FAM120B: variants seen among roughly 807,000 people sequenced by gnomAD.
The protein encoded by FAM120B is constitutive coactivator of peroxisome proliferator-activated receptor gamma.
Under a neutral mutation model 96.3 loss-of-function variants are expected in FAM120B, and 83 were observed. The ratio of observed to expected loss-of-function variants is 0.86; its 90% CI spans 0.72 to 1.03. FAM120B has a LOEUF of 1.03. Among genes scored for constraint, FAM120B ranks in the 50% least tolerant of loss-of-function variants. The pLI is 0.00. For missense variants in FAM120B, 1,027 were observed against 1,121.2 expected (o/e 0.92, Z 1.20); for synonymous variants, 407 against 402.7 (o/e 1.01, Z -0.13).
At chr6:170,373,178 C>G (rs535334544) in intron 6 of FAM120B, among the ~76,000 whole-genome samples, 1 of 152,220 alleles carries the variant, frequency 6.6e-6, no homozygotes, top group South Asian at 2.1e-4. Context: ...ATCAGATGCC[C>G]TGGGACCCTG....
upstream of FAM120B, among the ~76,000 whole-genome samples, chr6:170,305,270 G>A (rs1266428424): frequency 6.6e-6 from 1 of 152,190 alleles, no homozygotes; most frequent in East Asian, 1.9e-4. Flanking sequence ...CAACCACGAT[G>A]AGCACTCCTT....
At chr6:170,294,122 A>C (rs1783946252), upstream of FAM120B, among the ~76,000 whole-genome samples, 1 of 152,138 alleles carries the variant, frequency 6.6e-6, no homozygotes, top group African/African-American at 2.4e-5. The surrounding 1 kb of genome is among the most constrained non-coding windows in gnomAD (Gnocchi z 7.9). Context: ...TCTGAACCCC[A>C]CAAACGCAGG....
Position 170,391,955 on chromosome 6 carries a change from A to T in FAM120B, c.2599+834A>T, listed in dbSNP as rs187065240. On this transcript the variant is annotated intron_variant, in intron 8 of 10. Coordinates refer to ENST00000476287, the MANE Select transcript of FAM120B (RefSeq NM_032448.3). ...ACACCGTTCTTCTTAAACAACGGCCACAGAATCTTCCACTACTACATAGCT... is the reference window on the plus strand; with the variant it reads ...ACACCGTTCTTCTTAAACAACGGCCTCAGAATCTTCCACTACTACATAGCT... 1.2e-3 allele frequency among the ~76,000 whole-genome samples: 187 copies of T among 152,328 alleles called. 1 individual carries two copies. The highest frequency in any genetic ancestry group is 4.2e-3 in the African/African-American group (176 of 41,586).
At chr6:170,311,406 A>G (rs535428456) in intron 1 of FAM120B, among the ~76,000 whole-genome samples, 1 of 152,338 alleles carries the variant, frequency 6.6e-6, no homozygotes, top group Admixed American at 6.5e-5. Flanking sequence ...GAACAAATTT[A>G]TAAATACAAT....
At chr6:170,380,066 T>C (rs1373013836) in intron 6 of FAM120B, among the ~76,000 whole-genome samples, 1 of 152,254 alleles carries the variant, frequency 6.6e-6, no homozygotes, top group African/African-American at 2.4e-5. Context: ...TTTGGCGTTT[T>C]CAAGATTCCA....
At chr6:170,338,844 C>CCTT (rs568138686) in intron 4 of FAM120B, among the ~76,000 whole-genome samples, 1 of 85,424 alleles carries the variant, frequency 1.2e-5, no homozygotes, top group Non-Finnish European at 2.3e-5. Context: ...TTGCAACCTG[C>CCTT]TTTTTTTTTT....
In FAM120B at chr6:170,363,425, C is replaced by T. The variant is rs895326329; in HGVS notation, c.2283+5107C>T. 6.6e-6 allele frequency among the ~76,000 whole-genome samples: 1 copy of T among 152,258 alleles called. No individual in the cohort carries two copies. The highest frequency in any genetic ancestry group is 2.4e-5 in the African/African-American group (1 of 41,462). ...TGCATGGCGAGTGCAGCAAGTCACACCTGTGTCAGCAGCATCGTCCTCTGC... is the reference window on the plus strand; with the variant it reads ...TGCATGGCGAGTGCAGCAAGTCACATCTGTGTCAGCAGCATCGTCCTCTGC... On this transcript the variant is annotated intron_variant, in intron 6 of 10. Transcript: ENST00000476287. The surrounding 1 kb of genome is among the most constrained non-coding windows in gnomAD (Gnocchi z 4.5).
At chr6:170,349,230 A>G (rs1264610745) in intron 5 of FAM120B, among the ~76,000 whole-genome samples, 1 of 152,068 alleles carries the variant, frequency 6.6e-6, no homozygotes, top group Non-Finnish European at 1.5e-5. Flanking sequence ...GGCTGTTGAG[A>G]TGTCTCATAA....
chr6:170,323,057 G>A, intron 2 of FAM120B, 22 bp from the exon 3 acceptor site: 1 of 1,586,980 alleles, frequency 6.3e-7, no homozygotes, highest in Non-Finnish European at 8.6e-7. Context: ...GAGAAATTCA[G>A]TTGTATTTAA....
At chr6:170,396,602 ACT>A (rs1778178390) in intron 9 of FAM120B, among the ~76,000 whole-genome samples, 1 of 152,112 alleles carries the variant, frequency 6.6e-6, no homozygotes, top group African/African-American at 2.4e-5. Flanking sequence ...TCGTGCAGTC[ACT>A]GTCATGTGGA....
Position 170,318,128 on chromosome 6 carries a change from C to T in FAM120B, c.738C>T (p.Cys246=), listed in dbSNP as rs776833452. ...TGTTTGAAAGCTTTAGGTACAAATG[C>T]TTATCGTCCTACACCTCTGTAAAAG... ...EGMFESFRYK[C]LSSYTSVKEN... Residue 246 remains cysteine (C), a synonymous_variant, in exon 2 of 11, where the codon TGC becomes TGT. Transcript: ENST00000476287. 16 of 1,614,082 alleles carry T rather than the reference C, an allele frequency of 9.9e-6. No homozygotes were observed. Among genetic ancestry groups the T allele is most frequent in the Non-Finnish European group, 1.4e-5 (16 of 1,180,052 alleles).
intron 6 of FAM120B, among the ~76,000 whole-genome samples, chr6:170,374,671 T>A (rs1473933730): frequency 9.9e-5 from 15 of 152,246 alleles, no homozygotes. Flanking sequence ...GTTTTCAGTA[T>A]GGGAAATAAT....
intron 9 of FAM120B, among the ~76,000 whole-genome samples, chr6:170,398,551 A>G (rs9460000): frequency 0.15 from 1,953 of 13,136 alleles, 22 homozygotes; most frequent in African/African-American, 0.22. Flanking sequence ...GGAGTGAGTG[A>G]GAAAGGTAGA....
chr6:170,358,046 ATG>A (rs202202374), intron 5 of FAM120B, among the ~76,000 whole-genome samples, 178 bp from the exon 6 acceptor site: 2,330 of 151,836 alleles, frequency 0.015, 62 homozygotes, highest in African/African-American at 0.053. Flanking sequence ...GCGTGTACCC[ATG>A]TGTGTGCACC....
chr6:170,305,984 C>A (rs1009852606), upstream of FAM120B, among the ~76,000 whole-genome samples: 12 of 152,202 alleles, frequency 7.9e-5, no homozygotes, highest in Non-Finnish European at 1.8e-4. Flanking sequence ...GTCCCCGCCA[C>A]CATGTATCCA....
upstream of FAM120B, chr6:170,290,837 C>A (rs999443774): frequency 1.4e-5 from 9 of 632,734 alleles, no homozygotes; most frequent in Non-Finnish European, 2.5e-5. The surrounding 1 kb of genome is among the most constrained non-coding windows in gnomAD (Gnocchi z 4.7). Context: ...GGGGCCGGGC[C>A]GTGGGAGGAG....
At chr6:170,395,422 A>AT (rs1161923888) in intron 8 of FAM120B, 65 bp from the exon 9 acceptor site, 1 of 1,283,080 alleles carries the variant, frequency 7.8e-7, no homozygotes, top group Non-Finnish European at 1.1e-6. Context: ...CACCCTTTAC[A>AT]TGCTGTGTCA....
At chr6:170,386,180 G>A (rs762568569) in intron 6 of FAM120B, among the ~76,000 whole-genome samples, 3 of 152,204 alleles carry the variant, frequency 2.0e-5, no homozygotes, top group Non-Finnish European at 2.9e-5. Flanking sequence ...CCAGGGATTG[G>A]CGGGTGGAGG....
In FAM120B at chr6:170,352,029, T is replaced by A. The variant is rs141414826; in HGVS notation, c.2190+3706T>A. ...AAAGAGCCATGACCCATCCATATGC[T>A]GTCTTCAAGAGACCCATCTCATGTG... On this transcript the variant is annotated intron_variant, in intron 5 of 10. Transcript: ENST00000476287. Among the ~76,000 whole-genome samples, 7 of 152,344 alleles carry A rather than the reference T, an allele frequency of 4.6e-5. No individual in the cohort carries two copies. The East Asian group carries it at 1.4e-3, about 29-fold the overall frequency.
Sources: allele counts gnomAD v4.1 joint callset (sites outside exome capture counted in the v4.1 genomes callset), GRCh38; gene constraint gnomAD v4.1.1; non-coding constraint Gnocchi (gnomAD v3.1); transcripts MANE v1.5; gene names NCBI Gene and HGNC (gene_info 2026-07-23, HGNC 2026-07-21).